Variants in ALPK1 observed in about 807,000 individuals in gnomAD.
The protein encoded by ALPK1 is alpha-protein kinase 1.
A neutral mutation model predicts 120.6 loss-of-function variants in ALPK1; 110 were observed. The observed-to-expected ratio is 0.91, with a 90% CI of 0.78 to 1.07. ALPK1 has a LOEUF of 1.07. Among genes scored for constraint, ALPK1 ranks in the 50% least tolerant of loss-of-function variants. ALPK1 has a pLI of 0.00. For synonymous variants in ALPK1, 582 were observed against 560.3 expected (o/e 1.04, Z -0.55); for missense variants, 1,498 against 1,483.9 (o/e 1.01, Z -0.16).
chr4:112,329,794 C>T (rs1051814643), intron 2 of ALPK1, among the ~76,000 whole-genome samples: 1 of 152,122 alleles, frequency 6.6e-6, no homozygotes, highest in Non-Finnish European at 1.5e-5. Flanking sequence ...CAGCAATGGT[C>T]AAGGACATGA....
chr4:112,364,926 C>T (rs892298037), intron 2 of ALPK1, among the ~76,000 whole-genome samples: 3 of 152,154 alleles, frequency 2.0e-5, no homozygotes, highest in African/African-American at 7.2e-5. Context: ...AAATGTGATA[C>T]ACCACATAAA....
chr4:112,328,088 G>A (rs1729195684), intron 2 of ALPK1, among the ~76,000 whole-genome samples: 1 of 152,218 alleles, frequency 6.6e-6, no homozygotes, highest in Non-Finnish European at 1.5e-5. Flanking sequence ...ATTAAGCAAT[G>A]ACTAAAAAAG....
intron 2 of ALPK1, among the ~76,000 whole-genome samples, chr4:112,364,406 A>G (rs905029451): frequency 1.3e-5 from 2 of 152,074 alleles, no homozygotes; most frequent in African/African-American, 2.4e-5. Context: ...CAGAAATACA[A>G]AAGATCATTC....
intron 4 of ALPK1, among the ~76,000 whole-genome samples, chr4:112,390,515 G>T (rs189119419): frequency 3.9e-5 from 6 of 152,252 alleles, no homozygotes; most frequent in South Asian, 4.1e-4. Context: ...AGCTTCATGA[G>T]GTCAGGGCCT....
intron 5 of ALPK1, among the ~76,000 whole-genome samples, chr4:112,421,562 G>A (rs1341244060): frequency 3.9e-5 from 6 of 152,100 alleles, no homozygotes; most frequent in Non-Finnish European, 8.8e-5. Flanking sequence ...ATTCTGGGCC[G>A]TCTTTATTTT....
intron 1 of ALPK1, among the ~76,000 whole-genome samples, chr4:112,305,008 TC>T (rs1397582954): frequency 1.3e-5 from 2 of 152,140 alleles, no homozygotes; most frequent in African/African-American, 4.8e-5. Flanking sequence ...AAATAGGGAC[TC>T]CTTTCCCCAT....
At chr4:112,386,470 T>C (rs1732158173) in intron 4 of ALPK1, among the ~76,000 whole-genome samples, 1 of 152,224 alleles carries the variant, frequency 6.6e-6, no homozygotes, top group Admixed American at 6.5e-5. Flanking sequence ...TCCGAGATGA[T>C]ACCAATTATT....
At chr4:112,349,551 G>GCCCCCCCCCCCCCCCCCCC (rs10625139) in intron 2 of ALPK1, among the ~76,000 whole-genome samples, 1 of 103,712 alleles carries the variant, frequency 9.6e-6, no homozygotes, top group Non-Finnish European at 1.9e-5. Context: ...CCCAACCCCT[G>GCCCCCCCCCCCCCCCCCCC]CCCCCCCCCG....
chr4:112,359,646 C>G, intron 2 of ALPK1: 1 of 234,090 alleles, frequency 4.3e-6, no homozygotes, highest in South Asian at 7.1e-5. Context: ...ATTCCTCAGA[C>G]AGAGGCCAGC....
At chr4:112,368,729 C>G (rs75864687) in intron 2 of ALPK1, among the ~76,000 whole-genome samples, 2 of 152,128 alleles carry the variant, frequency 1.3e-5, no homozygotes. Flanking sequence ...TTTTGTTCCC[C>G]TCCATCAAGC....
intron 4 of ALPK1, 131 bp downstream of exon 4, chr4:112,382,683 T>C (rs1731980299): frequency 7.8e-7 from 1 of 1,284,016 alleles, no homozygotes; most frequent in African/African-American, 1.5e-5. Context: ...TCTGCCAGAT[T>C]GACTAATGTG....
In ALPK1 at chr4:112,440,957, A is replaced by C. The variant is rs1357554883; in HGVS notation, c.3579A>C (p.Thr1193=). 6.2e-7 allele frequency: 1 copy of C among 1,613,860 alleles called. No individual in the cohort carries two copies. ...TGNGKGLIYL[T]DPQIHSVDQK... is the part of the protein sequence containing the mutation. ...ATGGAAAAGGACTCATCTACCTCAC[A>C]GATCCCCAGATTCACTCCGTTGATC... The change falls in exon 15 of 16, where the codon ACA becomes ACC. Residue 1193 remains threonine, a synonymous_variant. Transcript: ENST00000650871.
In ALPK1 at chr4:112,431,332, G is replaced by A. The variant is rs116802171; in HGVS notation, c.1785G>A (p.Trp595Ter). ...NLSGFSSSAS[W>*]EEVNYHVDDR... ...CAGGGTTTAGTTCCTCTGCAAGCTG[G>A]GAGGAAGTGAATTATCACGTTGACG... Residue 595 changes from tryptophan (W) to a stop codon, truncating the protein, a stop_gained, in exon 11 of 16, where the codon TGG becomes TGA. Coordinates refer to ENST00000650871, the MANE Select transcript of ALPK1 (RefSeq NM_025144.4). LOFTEE classifies it high-confidence loss of function. 4.3e-4 allele frequency: 695 copies of A among 1,614,190 alleles called. 2 individuals are homozygous for A. The African/African-American group carries it at 8.1e-3, about 19-fold the overall frequency.
In ALPK1 at chr4:112,411,973, G is replaced by A. The variant is rs142248599; in HGVS notation, c.423G>A (p.Thr141=). ...AKGLHKLQPA[T]PIAPQVVIRQ... is the part of the protein sequence containing the mutation. Reference sequence around the variant, plus strand: ...GTCTCCACAAGTTGCAGCCAGCCACGCCAATTGCCCCGCAGGTGGTTATTC... The same window carrying A: ...GTCTCCACAAGTTGCAGCCAGCCACACCAATTGCCCCGCAGGTGGTTATTC... Residue 141 remains threonine (T), a synonymous_variant, in exon 5 of 16, where the codon ACG becomes ACA. Transcript: ENST00000650871. The A allele has an allele frequency of 3.1e-6, 5 of 1,614,008 alleles. No homozygotes were observed. In the Admixed American group the frequency reaches 6.7e-5, roughly 22 times the overall value.
At chr4:112,389,334 G>A (rs1560666196) in intron 4 of ALPK1, among the ~76,000 whole-genome samples, 1 of 152,162 alleles carries the variant, frequency 6.6e-6, no homozygotes. Flanking sequence ...GTGAGCCACC[G>A]TGCCTGGCCT....
At chr4:112,437,357 A>T (rs1734832006) in intron 12 of ALPK1, among the ~76,000 whole-genome samples, 1 of 152,112 alleles carries the variant, frequency 6.6e-6, no homozygotes, top group Non-Finnish European at 1.5e-5. Context: ...CTAAAGAAAA[A>T]TGATCCCAGA....
chr4:112,338,592 A>G (rs1729730222), intron 2 of ALPK1, among the ~76,000 whole-genome samples: 1 of 152,240 alleles, frequency 6.6e-6, no homozygotes, highest in Non-Finnish European at 1.5e-5. Context: ...AAAGTGGTGC[A>G]GGCATAGAAA....
At chr4:112,357,790 ATCT>A (rs1234337116) in intron 2 of ALPK1, 6 of 1,035,454 alleles carry the variant, frequency 5.8e-6, no homozygotes, top group Non-Finnish European at 7.6e-6. Flanking sequence ...TGGGCTCCTG[ATCT>A]TCTTCCCTTC....
intron 2 of ALPK1, among the ~76,000 whole-genome samples, chr4:112,318,062 A>G (rs981352658): frequency 2.0e-5 from 3 of 152,226 alleles, no homozygotes; most frequent in African/African-American, 7.2e-5. Context: ...TGTGATATTT[A>G]TACTAAGTGA....
Sources: allele counts gnomAD v4.1 joint callset (sites outside exome capture counted in the v4.1 genomes callset), GRCh38; gene constraint gnomAD v4.1.1; transcripts MANE v1.5; gene names NCBI Gene and HGNC (gene_info 2026-07-23, HGNC 2026-07-21).